PCDHA7: variants seen among roughly 807,000 people sequenced by gnomAD.
PCDHA7 encodes protocadherin alpha 7, also known as protocadherin alpha-7.
A neutral mutation model predicts 57.2 loss-of-function variants in PCDHA7; 37 were observed. The observed-to-expected ratio is 0.65, with a 90% CI of 0.50 to 0.85. The LOEUF (loss-of-function observed/expected upper bound fraction) is 0.85, where lower values mean the gene tolerates loss of function less well. Among genes scored for constraint, PCDHA7 ranks in the 40% least tolerant of loss-of-function variants. The pLI is 0.00. For missense variants in PCDHA7, 1,188 were observed against 1,241.8 expected (o/e 0.96, Z 0.65); for synonymous variants, 553 against 558.8 (o/e 0.99, Z 0.15).
chr5:140,939,388 A>C, intron 1 of PCDHA7, among the ~76,000 whole-genome samples: 1 of 152,232 alleles, frequency 6.6e-6, no homozygotes, highest in East Asian at 1.9e-4. Context: ...CATTCAGATC[A>C]TAGCAAGTTT....
In PCDHA7 at chr5:141,009,886, C is replaced by T. The variant is rs377373799; in HGVS notation, c.2763C>T (p.Thr921=). Residue 921 remains threonine (T), a synonymous_variant, in exon 4 of 4, where the codon ACC becomes ACT. Transcript: ENST00000525929. ...AGAAAAAGAAGAAGGGTAACAAGAC[C>T]CAGGAGAAAAAAGAGAAAGGGAACA... ...KKKKKKKGNK[T]QEKKEKGNST... is the part of the protein sequence containing the mutation. The T allele has an allele frequency of 9.0e-4, 1,444 of 1,612,840 alleles. 15 individuals are homozygous for T. The South Asian group carries it at 0.015, about 17-fold the overall frequency.
chr5:140,882,059 A>C, intron 1 of PCDHA7: 1 of 799,024 alleles, frequency 1.3e-6, no homozygotes, highest in Non-Finnish European at 1.9e-6. Flanking sequence ...TTACACTTAC[A>C]CGTTCATGCG....
intron 1 of PCDHA7, among the ~76,000 whole-genome samples, chr5:140,889,476 C>G (rs2062241146): frequency 6.6e-6 from 1 of 152,054 alleles, no homozygotes; most frequent in South Asian, 2.1e-4. Flanking sequence ...TATGCTCATA[C>G]TTTCTACAGA....
chr5:140,980,762 T>C (rs1293384140), intron 2 of PCDHA7, among the ~76,000 whole-genome samples: 2 of 152,090 alleles, frequency 1.3e-5, no homozygotes, highest in Non-Finnish European at 2.9e-5. Context: ...AGAAATAAAA[T>C]AAAAATTGAA....
chr5:140,978,037 A>G (rs1260035731), intron 1 of PCDHA7, among the ~76,000 whole-genome samples: 12 of 152,322 alleles, frequency 7.9e-5, no homozygotes, highest in African/African-American at 2.4e-4. Flanking sequence ...GATACAAGAC[A>G]GTGATGGTGA....
intron 1 of PCDHA7, among the ~76,000 whole-genome samples, chr5:140,910,668 C>G (rs2075124281): frequency 6.6e-6 from 1 of 152,172 alleles, no homozygotes; most frequent in Admixed American, 6.5e-5. Flanking sequence ...TACATTAAAC[C>G]AAGGGAGATC....
At chr5:140,994,788 C>A (rs139745274) in intron 3 of PCDHA7, among the ~76,000 whole-genome samples, 6 of 152,076 alleles carry the variant, frequency 3.9e-5, no homozygotes, top group Admixed American at 3.9e-4. Flanking sequence ...GGAAACAATG[C>A]GTGCATGCAA....
intron 1 of PCDHA7, chr5:140,927,653 G>T: frequency 6.2e-7 from 1 of 1,614,190 alleles, no homozygotes; most frequent in Non-Finnish European, 8.5e-7. Context: ...GTGTTATTCC[G>T]AGTTCAAGCC....
At chr5:140,906,057 C>A (rs558964545) in intron 1 of PCDHA7, among the ~76,000 whole-genome samples, 7 of 152,326 alleles carry the variant, frequency 4.6e-5, no homozygotes, top group Admixed American at 2.0e-4. Context: ...GCTGCACTGG[C>A]AGCTGATTAG....
chr5:140,851,773 T>C lies in PCDHA7; in HGVS notation c.2355+15035T>C. On this transcript the variant is annotated intron_variant, in intron 1 of 3. Transcript: ENST00000525929. ...TAACTTAAAACATTACCCTTATGAA[T>C]TTAGATGAGAATTCACTTGTTCTGT... 11 of 967,796 alleles carry C rather than the reference T, an allele frequency of 1.1e-5. 2 individuals carry two copies. The highest frequency in any genetic ancestry group is 1.4e-5 in the Non-Finnish European group (11 of 800,744). The allele number at this position is 967,796 out of a possible 1,614,324, so 60.0% of individuals were successfully genotyped here.
intron 3 of PCDHA7, among the ~76,000 whole-genome samples, chr5:140,985,173 G>A (rs939430246): frequency 1.3e-5 from 2 of 152,154 alleles, no homozygotes; most frequent in Admixed American, 6.5e-5. Flanking sequence ...TCCTGACCTC[G>A]TAATCCGCCT....
rs931844758 is a variant in PCDHA7 at position 140,867,293 on chromosome 5, A to G, written c.2355+30555A>G. 2.6e-5 allele frequency: 4 copies of G among 152,096 alleles called. No homozygotes were observed. The South Asian group carries it at 6.2e-4, about 24-fold the overall frequency. The allele number at this position is 152,096 out of a possible 1,614,324, so 9.4% of individuals were successfully genotyped here. The stretch of plus-strand genomic sequence containing the variant: ...ATAAACCTGATGTGCTTCAAATATC[A>G]TGTTGAATATACTGTCATCTGGTCT... On this transcript the variant is annotated intron_variant, in intron 1 of 3. Coordinates refer to ENST00000525929, the MANE Select transcript of PCDHA7 (RefSeq NM_018910.3).
At chr5:140,883,066 C>G in intron 1 of PCDHA7, 1 of 1,614,070 alleles carries the variant, frequency 6.2e-7, no homozygotes. Flanking sequence ...AGCTAAATGC[C>G]ACAGATCCTG....
intron 1 of PCDHA7, chr5:140,843,055 C>A (rs2150351247): frequency 3.1e-6 from 5 of 1,595,020 alleles, no homozygotes; most frequent in Admixed American, 1.7e-5. Context: ...GCGCAGCGAG[C>A]AAGCTGGTGC....
chr5:140,967,116 G>T, intron 1 of PCDHA7: 1 of 1,612,922 alleles, frequency 6.2e-7, no homozygotes, highest in Non-Finnish European at 8.5e-7. Flanking sequence ...CGGCCTCGCT[G>T]CCTGCTCAGC....
In PCDHA7 at chr5:140,856,469, A is replaced by G. The variant is rs868928248; in HGVS notation, c.2355+19731A>G. 8.8e-6 allele frequency: 14 copies of G among 1,598,158 alleles called. 1 individual carries two copies. The highest frequency in any genetic ancestry group is 1.2e-5 in the Non-Finnish European group (14 of 1,167,896). ...CTCCGTAACAGAACAAAAGCTCTCA[A>G]TACCTGAATCCAGACTGCTTGACTC... is the stretch of plus-strand genomic sequence containing the variant. On this transcript the variant is annotated intron_variant, in intron 1 of 3. Transcript: ENST00000525929.
chr5:140,980,216 G>A (rs1554241518), intron 2 of PCDHA7, among the ~76,000 whole-genome samples: 1 of 152,190 alleles, frequency 6.6e-6, no homozygotes, highest in African/African-American at 2.4e-5. Flanking sequence ...GCTTTTGCCT[G>A]CATCTGAGCT....
At chr5:140,854,853 C>G (rs1441066752) in intron 1 of PCDHA7, among the ~76,000 whole-genome samples, 1 of 149,620 alleles carries the variant, frequency 6.7e-6, no homozygotes, top group Non-Finnish European at 1.5e-5. Flanking sequence ...GATAAAATTA[C>G]TAGATATATT....
At chr5:140,948,861 A>G (rs1298940496) in intron 1 of PCDHA7, among the ~76,000 whole-genome samples, 1 of 151,528 alleles carries the variant, frequency 6.6e-6, no homozygotes, top group African/African-American at 2.4e-5. Flanking sequence ...TTCTTATATT[A>G]CTTCGGGTTT....
Sources: allele counts gnomAD v4.1 joint callset (sites outside exome capture counted in the v4.1 genomes callset), GRCh38; gene constraint gnomAD v4.1.1; transcripts MANE v1.5; gene names NCBI Gene and HGNC (gene_info 2026-07-23, HGNC 2026-07-21).